Variants in DNAH5 observed in about 807,000 individuals in gnomAD.
DNAH5 encodes the protein dynein axonemal heavy chain 5, also known as axonemal beta dynein heavy chain 5.
A neutral mutation model predicts 518.2 loss-of-function variants in DNAH5; 372 were observed. The ratio of observed to expected loss-of-function variants is 0.72; its 90% CI spans 0.66 to 0.78. DNAH5 has a LOEUF of 0.78. DNAH5 is among the 30% of genes least tolerant of loss of function. The pLI, the probability that DNAH5 is intolerant of heterozygous loss-of-function variation, is 0.00. For missense variants in DNAH5, 5,523 were observed against 5,687.0 expected (o/e 0.97, Z 0.93); for synonymous variants, 2,039 against 2,025.9 (o/e 1.01, Z -0.17).
intron 34 of DNAH5, 114 bp from the exon 35 acceptor site, chr5:13,839,642 G>C: frequency 1.1e-6 from 1 of 947,036 alleles, no homozygotes; most frequent in South Asian, 1.4e-5. Context: ...ACAGACAACC[G>C]AACTATTTCA....
At chr5:13,729,374 C>T (rs2126574444) in intron 69 of DNAH5, 65 bp downstream of exon 69, 2 of 1,600,054 alleles carry the variant, frequency 1.2e-6, no homozygotes, top group Non-Finnish European at 1.7e-6. Context: ...AAATATTGTA[C>T]CTAGTGATAA....
chr5:13,779,678 C>T (rs1484554672), intron 53 of DNAH5, among the ~76,000 whole-genome samples: 2 of 152,170 alleles, frequency 1.3e-5, no homozygotes, highest in African/African-American at 2.4e-5. Context: ...TTTCTCCCTG[C>T]ACTACACCCA....
chr5:14,004,234 A>G (rs543353733), intron 1 of DNAH5, among the ~76,000 whole-genome samples: 1 of 152,288 alleles, frequency 6.6e-6, no homozygotes, highest in Admixed American at 6.5e-5. Context: ...TCCTTATCTG[A>G]AAGAGAAAAA....
chr5:13,845,123 TCTCA>T (rs1250703826), intron 31 of DNAH5, 130 bp from the exon 32 acceptor site: 10 of 818,684 alleles, frequency 1.2e-5, no homozygotes, highest in Non-Finnish European at 9.6e-6. Flanking sequence ...CTACGTGACT[TCTCA>T]CTGTTTTTAA....
At chr5:13,846,231 C>A (rs552272907) in intron 31 of DNAH5, among the ~76,000 whole-genome samples, 2 of 152,192 alleles carry the variant, frequency 1.3e-5, no homozygotes, top group South Asian at 2.1e-4. Flanking sequence ...TTATTCCACA[C>A]CCAGGTAATA....
Position 13,894,701 on chromosome 5 carries a change from A to C in DNAH5, c.2380T>G (p.Trp794Gly), listed in dbSNP as rs1182974923. Residue 794 changes from tryptophan (W) to glycine (G), a missense_variant, in exon 16 of 79, where the codon TGG (tryptophan) becomes GGG (glycine). Physicochemically the swap from Trp to Gly is radical, Grantham distance 184. Transcript: ENST00000265104. ...TAAGCCTCAATATTCAGTGATGTCC[A>C]GGTCAGTGCAGCCAAGCCAGGTTGG... ...ALQPGLAALT[W>G]TSLNIEAYLE... 6.2e-7 allele frequency: 1 copy of C among 1,614,146 alleles called. No homozygotes were observed. Among genetic ancestry groups the C allele is most frequent in the Non-Finnish European group, 8.5e-7 (1 of 1,179,964 alleles).
chr5:13,744,675 T>C (rs1011007186), intron 65 of DNAH5, among the ~76,000 whole-genome samples: 3 of 152,062 alleles, frequency 2.0e-5, no homozygotes, highest in African/African-American at 7.2e-5. Flanking sequence ...TAAAATTTCG[T>C]GAACATAGCA....
At chr5:13,800,433 A>G (rs542026726) in intron 47 of DNAH5, among the ~76,000 whole-genome samples, 4 of 152,286 alleles carry the variant, frequency 2.6e-5, no homozygotes, top group South Asian at 2.1e-4. Context: ...GGGGTGCTCA[A>G]TTCAGAAAGT....
At chr5:13,911,582 T>A in intron 11 of DNAH5, 89 bp from the exon 12 acceptor site, 1 of 1,017,464 alleles carries the variant, frequency 9.8e-7, no homozygotes, top group African/African-American at 1.8e-5. Flanking sequence ...GCCTATACAA[T>A]AATTGCCAGA....
intron 12 of DNAH5, among the ~76,000 whole-genome samples, chr5:13,906,693 C>T (rs1775341436): frequency 6.6e-6 from 1 of 151,974 alleles, no homozygotes; most frequent in Non-Finnish European, 1.5e-5. Context: ...CAATAGAGTA[C>T]AATAAAAAAG....
intron 66 of DNAH5, among the ~76,000 whole-genome samples, chr5:13,736,346 T>C (rs1184462825): frequency 2.0e-5 from 3 of 152,094 alleles, no homozygotes; most frequent in Non-Finnish European, 4.4e-5. Context: ...AAACAAGCCA[T>C]TGCAAAGATG....
At chr5:13,735,777 C>A (rs1579971623) in intron 67 of DNAH5, 41 bp downstream of exon 67, 1 of 1,412,940 alleles carries the variant, frequency 7.1e-7, no homozygotes, top group Non-Finnish European at 1.0e-6. Flanking sequence ...TTTTAGTGCA[C>A]AGATATAGAA....
intron 1 of DNAH5, among the ~76,000 whole-genome samples, chr5:13,936,217 A>G (rs1337302948): frequency 6.6e-6 from 1 of 152,182 alleles, no homozygotes; most frequent in Non-Finnish European, 1.5e-5. Context: ...TCCAGGCCAC[A>G]ATTTCCTCAA....
chr5:13,703,842 T>C (rs758519751), intron 76 of DNAH5, among the ~76,000 whole-genome samples: 1 of 152,222 alleles, frequency 6.6e-6, no homozygotes, highest in African/African-American at 2.4e-5. Flanking sequence ...CCCCCTATAC[T>C]TCTCAGCCTC....
chr5:13,865,786 G>A lies in DNAH5; in HGVS notation c.4237C>T (p.Gln1413Ter), dbSNP rs752734772. Residue 1413 changes from glutamine (Q) to a stop codon, truncating the protein, a stop_gained, in exon 27 of 79, where the codon CAG becomes TAG. Transcript: ENST00000265104. LOFTEE classifies it high-confidence loss of function. The part of the protein sequence containing the change: ...LEIKKQLNLL[Q>*]KIYTLYNSVI... ...CTGTTGTACAGAGTATATATTTTCTGTAGAAGATTTAGTTGCTTCTTTATT... is the reference window on the plus strand; with the variant it reads ...CTGTTGTACAGAGTATATATTTTCTATAGAAGATTTAGTTGCTTCTTTATT... The A allele has an allele frequency of 3.1e-6, 5 of 1,612,718 alleles. No homozygotes were observed. The highest frequency in any genetic ancestry group is 4.2e-6 in the Non-Finnish European group (5 of 1,178,954).
chr5:13,817,347 T>C (rs937621550), intron 42 of DNAH5, among the ~76,000 whole-genome samples: 2 of 152,212 alleles, frequency 1.3e-5, no homozygotes, highest in African/African-American at 2.4e-5. Context: ...GAAAATATTA[T>C]TTCCTAAAAG....
intron 33 of DNAH5, 64 bp downstream of exon 33, chr5:13,841,628 G>C: frequency 7.8e-7 from 1 of 1,283,874 alleles, no homozygotes; most frequent in Non-Finnish European, 1.1e-6. Context: ...GCTTACAATA[G>C]GTAATGTCTG....
chr5:13,913,646 A>T, intron 11 of DNAH5, 97 bp downstream of exon 11: 3 of 1,404,360 alleles, frequency 2.1e-6, no homozygotes, highest in Non-Finnish European at 2.9e-6. Flanking sequence ...TACTTTACAG[A>T]CTGATGATTT....
rs142155986 is a variant in DNAH5, at chr5:13,841,763, G to T, written c.5413C>A (p.Arg1805Ser). The T allele has an allele frequency of 3.1e-6, 5 of 1,613,766 alleles. No homozygotes were observed. In the African/African-American group the frequency reaches 5.3e-5, roughly 17 times the overall value. ...ESQSSLHLVI[R>S]QAAANIQETG... is the part of the protein sequence containing the mutation. ...TCTTGAATATTTGCGGCTGCCTGGC[G>T]AATCACAAGATGCAATGAGGACTGA... is the stretch of plus-strand genomic sequence containing the variant. Residue 1805 changes from arginine (R) to serine (S), a missense_variant, in exon 33 of 79, where the codon CGC becomes AGC. By Grantham distance (110) the Arg-to-Ser change is moderately radical. Transcript: ENST00000265104.
Sources: allele counts gnomAD v4.1 joint callset (sites outside exome capture counted in the v4.1 genomes callset), GRCh38; gene constraint gnomAD v4.1.1; transcripts MANE v1.5; gene names NCBI Gene and HGNC (gene_info 2026-07-23, HGNC 2026-07-21).